Variants in SLC35F3 observed in about 807,000 individuals in gnomAD.
SLC35F3 encodes solute carrier family 35 member F3.
In SLC35F3, 25 loss-of-function variants were observed where a neutral mutation model predicts 49.9. The observed-to-expected ratio is 0.50, with a 90% CI of 0.37 to 0.70. The LOEUF (loss-of-function observed/expected upper bound fraction) is 0.70, where lower values mean the gene tolerates loss of function less well. SLC35F3 is among the 30% of genes least tolerant of loss of function. The pLI is 0.00. For missense variants in SLC35F3, 525 were observed against 639.8 expected (o/e 0.82, Z 1.94); for synonymous variants, 275 against 265.4 (o/e 1.04, Z -0.35).
In SLC35F3 at chr1:234,231,311, C is replaced by T. The variant is rs1667365994; in HGVS notation, c.284-106C>T. On this transcript the variant is annotated intron_variant, in intron 2 of 7. Transcript: ENST00000366618. This position sits in a 1 kb window ranked among gnomAD's most constrained non-coding sequence, Gnocchi z 5.4. The stretch of plus-strand genomic sequence containing the variant: ...GCCGCCCCTGCACCCGCTATCTCCC[C>T]GGGCCCCCAGGTAGCTGGTGGTGAC... The T allele has an allele frequency of 3.1e-6, 3 of 982,614 alleles. No individual in the cohort carries two copies. Among genetic ancestry groups the T allele is most frequent in the African/African-American group, 3.3e-5 (2 of 60,528 alleles). 60.9% of individuals were successfully genotyped at this position (982,614 alleles called of 1,614,324 possible). A position where few individuals can be genotyped will look rare whatever the true frequency, so the allele number is the denominator to read the frequency against.
intron 2 of SLC35F3, among the ~76,000 whole-genome samples, chr1:234,175,104 C>T (rs4920217): frequency 0.95 from 144,548 of 152,278 alleles, 69,083 homozygotes; most frequent in East Asian, 1. Flanking sequence ...ACGCATACGG[C>T]TTTTGTATCT....
intron 3 of SLC35F3, among the ~76,000 whole-genome samples, chr1:234,305,292 G>A (rs904271762): frequency 2.0e-5 from 3 of 151,904 alleles, no homozygotes; most frequent in Non-Finnish European, 4.4e-5. Context: ...AATAATATGA[G>A]TGCAGAACTT....
chr1:233,963,645 C>T (rs897386548), intron 2 of SLC35F3, among the ~76,000 whole-genome samples: 3 of 152,170 alleles, frequency 2.0e-5, no homozygotes, highest in Non-Finnish European at 2.9e-5. Flanking sequence ...AGGTCAGTTC[C>T]GTAAGAGGCA....
At chr1:234,170,816 G>T (rs16842703) in intron 2 of SLC35F3, among the ~76,000 whole-genome samples, 2 of 151,350 alleles carry the variant, frequency 1.3e-5, no homozygotes, top group African/African-American at 4.9e-5. Flanking sequence ...ACGGTTGCAC[G>T]AACGCAATTT....
chr1:233,926,799 C>T (rs767560652), intron 2 of SLC35F3, among the ~76,000 whole-genome samples: 15 of 152,092 alleles, frequency 9.9e-5, no homozygotes, highest in South Asian at 2.1e-4. Flanking sequence ...TTGATGATGG[C>T]GACCTACAGA....
At chr1:234,153,069 A>C (rs1666099350) in intron 2 of SLC35F3, among the ~76,000 whole-genome samples, 1 of 152,202 alleles carries the variant, frequency 6.6e-6, no homozygotes, top group Non-Finnish European at 1.5e-5. Flanking sequence ...TAACCTGCTC[A>C]AGTAAAGGAA....
At chr1:234,126,655 A>G (rs1370702903) in intron 2 of SLC35F3, among the ~76,000 whole-genome samples, 2 of 152,018 alleles carry the variant, frequency 1.3e-5, no homozygotes, top group Admixed American at 6.6e-5. Flanking sequence ...GAAGCCACCA[A>G]TGTGCTCTCC....
At chr1:234,139,573 CT>C (rs1050044697) in intron 2 of SLC35F3, among the ~76,000 whole-genome samples, 2 of 152,176 alleles carry the variant, frequency 1.3e-5, no homozygotes, top group African/African-American at 4.8e-5. Context: ...GTCGTCCCCA[CT>C]TATCCTTGGT....
chr1:234,225,112 C>T (rs72760035), intron 2 of SLC35F3, among the ~76,000 whole-genome samples: 5,265 of 152,284 alleles, frequency 0.035, 148 homozygotes, highest in Middle Eastern at 0.095. Context: ...ACGTGAAGTG[C>T]GAATTGCTTT....
chr1:233,952,122 G>A (rs561715735), intron 2 of SLC35F3, among the ~76,000 whole-genome samples: 4 of 151,282 alleles, frequency 2.6e-5, no homozygotes, highest in South Asian at 2.1e-4. Flanking sequence ...TTACAATTTC[G>A]TTTTCTTTTT....
intron 2 of SLC35F3, among the ~76,000 whole-genome samples, chr1:234,161,978 C>A (rs546802995): frequency 6.6e-6 from 1 of 152,100 alleles, no homozygotes; most frequent in East Asian, 1.9e-4. Flanking sequence ...TGCCCCAGTT[C>A]GTATCTAAGC....
chr1:234,037,250 G>A (rs768028155), intron 2 of SLC35F3, among the ~76,000 whole-genome samples: 1 of 152,128 alleles, frequency 6.6e-6, no homozygotes, highest in Non-Finnish European at 1.5e-5. Flanking sequence ...CATGGTAATA[G>A]GAAGGAAGCA....
intron 2 of SLC35F3, among the ~76,000 whole-genome samples, chr1:233,963,217 C>T (rs1395881679): frequency 2.0e-5 from 3 of 152,050 alleles, no homozygotes; most frequent in African/African-American, 7.2e-5. Context: ...TTTCACATAT[C>T]TGAATCCCAT....
intron 2 of SLC35F3, among the ~76,000 whole-genome samples, chr1:234,185,181 T>A (rs1666622763): frequency 6.6e-6 from 1 of 152,000 alleles, no homozygotes; most frequent in Admixed American, 6.6e-5. Flanking sequence ...AGGAAAGGCA[T>A]TCTGGGGTGG....
At chr1:233,925,764 C>T (rs954698251) in intron 2 of SLC35F3, among the ~76,000 whole-genome samples, 1 of 152,188 alleles carries the variant, frequency 6.6e-6, no homozygotes, top group African/African-American at 2.4e-5. Flanking sequence ...TTTACAGTGG[C>T]TGTTACCAGT....
chr1:234,150,044 A>T (rs1262085350), intron 2 of SLC35F3, among the ~76,000 whole-genome samples: 3 of 152,204 alleles, frequency 2.0e-5, no homozygotes, highest in Non-Finnish European at 2.9e-5. Flanking sequence ...ACACATCCTT[A>T]TCCCATAGAC....
chr1:234,052,197 A>C (rs1415441120), intron 2 of SLC35F3, among the ~76,000 whole-genome samples: 4 of 151,560 alleles, frequency 2.6e-5, no homozygotes, highest in African/African-American at 9.7e-5. Flanking sequence ...ATTGATTGGA[A>C]GTTTCAGAAG....
At chr1:234,270,356 G>T (rs912575739) in intron 3 of SLC35F3, among the ~76,000 whole-genome samples, 7 of 152,158 alleles carry the variant, frequency 4.6e-5, no homozygotes, top group African/African-American at 1.4e-4. Flanking sequence ...CTCAAGGAGA[G>T]GGTCCATTCT....
chr1:234,131,844 A>G (rs946201784), intron 2 of SLC35F3, among the ~76,000 whole-genome samples: 1 of 152,186 alleles, frequency 6.6e-6, no homozygotes, highest in African/African-American at 2.4e-5. Flanking sequence ...CTAATTTAGA[A>G]CAGATCACTT....
Sources: gnomAD v4.1 joint callset for allele counts (sites outside exome capture counted in the v4.1 genomes callset) on GRCh38, gnomAD v4.1.1 for gene constraint, Gnocchi (gnomAD v3.1) non-coding constraint, MANE v1.5 for transcripts, NCBI Gene and HGNC (gene_info 2026-07-23, HGNC 2026-07-21) for gene names.